Variants in NBAS observed in about 807,000 individuals in gnomAD.
NBAS encodes the protein NAG/BC035112 fusion.
NBAS carries 219 observed loss-of-function variants against 302.5 expected under a neutral mutation model. The observed-to-expected ratio is 0.72, with a 90% CI of 0.65 to 0.81. The LOEUF is 0.81. Ranked by LOEUF, NBAS falls within the 30% of genes least tolerant of loss-of-function variation. NBAS has a pLI of 0.00. For synonymous variants in NBAS, 1,118 were observed against 1,021.6 expected (o/e 1.09, Z -1.80); for missense variants, 2,932 against 2,841.6 (o/e 1.03, Z -0.72).
chr2:15,252,832 C>T (rs1444690636), intron 44 of NBAS, among the ~76,000 whole-genome samples: 1 of 152,022 alleles, frequency 6.6e-6, no homozygotes, highest in African/African-American at 2.4e-5. Context: ...TAAATTAAGA[C>T]AGAATCACTA....
chr2:14,996,154 A>G, the NBAS span, among the ~76,000 whole-genome samples: 222 of 152,290 alleles, frequency 1.5e-3, no homozygotes, highest in African/African-American at 5.1e-3. Context: ...CTGAATCCAG[A>G]GAAGACAGAA....
At chr2:14,784,559 A>C in the NBAS span, among the ~76,000 whole-genome samples, 8 of 152,282 alleles carry the variant, frequency 5.3e-5, no homozygotes, top group East Asian at 1.5e-3. Flanking sequence ...TCCCAGCACC[A>C]TTTATTAAAT....
the NBAS span, among the ~76,000 whole-genome samples, chr2:14,803,332 C>T: frequency 6.6e-6 from 1 of 152,144 alleles, no homozygotes; most frequent in East Asian, 1.9e-4. Flanking sequence ...TACTACTTAG[C>T]TGAATATTTT....
At position 15,474,207 on chromosome 2, in the gene NBAS, C is replaced by T. The variant is rs1680085976; in HGVS notation, c.1459G>A (p.Gly487Ser). The T allele has an allele frequency of 1.2e-6, 2 of 1,614,016 alleles. No homozygotes were observed. The highest frequency in any genetic ancestry group is 8.5e-7 in the Non-Finnish European group (1 of 1,180,006). Residue 487 changes from glycine to serine, a missense_variant, in exon 15 of 52, where the codon GGT becomes AGT. Transcript: ENST00000281513. ...AAGTAAAGGCCCTGTTTTATATAACCAAAGTAGCGAGCCTTGGCAGATATT... is the reference window on the plus strand; with the variant it reads ...AAGTAAAGGCCCTGTTTTATATAACTAAAGTAGCGAGCCTTGGCAGATATT... ...YEISAKARYF[G>S]YIKQGLYLVT...
intron 49 of NBAS, among the ~76,000 whole-genome samples, chr2:15,189,763 G>T (rs187874673): frequency 6.6e-6 from 1 of 152,258 alleles, no homozygotes; most frequent in Admixed American, 6.5e-5. Context: ...CTTATTAGCC[G>T]TGTGAAGCCT....
At chr2:15,424,928 G>C (rs1677394958) in intron 22 of NBAS, among the ~76,000 whole-genome samples, 1 of 152,072 alleles carries the variant, frequency 6.6e-6, no homozygotes, top group South Asian at 2.1e-4. Context: ...ATAAAAATAA[G>C]AGGAAATACA....
chr2:14,950,692 G>T, the NBAS span, among the ~76,000 whole-genome samples: 4 of 152,168 alleles, frequency 2.6e-5, no homozygotes, highest in African/African-American at 9.7e-5. Flanking sequence ...GGTGCTATTT[G>T]CAAAACAGCC....
the NBAS span, among the ~76,000 whole-genome samples, chr2:15,158,686 G>A: frequency 6.6e-6 from 1 of 152,186 alleles, no homozygotes; most frequent in South Asian, 2.1e-4. Context: ...AGCAGTGAAG[G>A]TGGGGCTCGA....
the NBAS span, among the ~76,000 whole-genome samples, chr2:15,019,578 A>G: frequency 6.6e-6 from 1 of 152,192 alleles, no homozygotes; most frequent in African/African-American, 2.4e-5. Context: ...CAGGCAAATA[A>G]TCAATATATC....
chr2:15,335,582 T>C (rs938720110), intron 35 of NBAS, among the ~76,000 whole-genome samples: 1 of 152,230 alleles, frequency 6.6e-6, no homozygotes, highest in Non-Finnish European at 1.5e-5. Flanking sequence ...CCAGGACTAA[T>C]GAAGTTGGAC....
the NBAS span, among the ~76,000 whole-genome samples, chr2:15,111,553 A>C: frequency 6.6e-6 from 1 of 152,094 alleles, no homozygotes; most frequent in East Asian, 1.9e-4. Flanking sequence ...ACACACTCTA[A>C]TAGCAAGTGA....
chr2:14,893,820 T>C, the NBAS span, among the ~76,000 whole-genome samples: 4 of 152,216 alleles, frequency 2.6e-5, no homozygotes, highest in Non-Finnish European at 5.9e-5. Flanking sequence ...TGTATTCCTC[T>C]AGCATGATTT....
At chr2:15,467,273 C>T in intron 19 of NBAS, 56 bp downstream of exon 19, 2 of 1,222,698 alleles carry the variant, frequency 1.6e-6, no homozygotes, top group Non-Finnish European at 2.4e-6. Flanking sequence ...GCAGCCATAG[C>T]ATTTATAATG....
At chr2:15,269,418 C>T (rs1669219230) in intron 44 of NBAS, among the ~76,000 whole-genome samples, 1 of 152,124 alleles carries the variant, frequency 6.6e-6, no homozygotes, top group Admixed American at 6.5e-5. Context: ...CTGCTTTTTG[C>T]ATGCCGGGCT....
chr2:15,060,265 G>A, the NBAS span, among the ~76,000 whole-genome samples: 1 of 152,160 alleles, frequency 6.6e-6, no homozygotes, highest in Admixed American at 6.5e-5. Context: ...CATGTCCGGG[G>A]AGCACATTCC....
At chr2:15,219,008 C>T (rs758116751) in intron 47 of NBAS, 40 bp from the exon 48 acceptor site, 6 of 1,609,206 alleles carry the variant, frequency 3.7e-6, no homozygotes, top group Non-Finnish European at 4.2e-6. Flanking sequence ...AACTCCTAAG[C>T]CTTTTATTTT....
the NBAS span, among the ~76,000 whole-genome samples, chr2:15,109,583 AG>A: frequency 2.3e-3 from 357 of 152,258 alleles, 1 homozygote; most frequent in Non-Finnish European, 3.9e-3. Context: ...CAGTTCTGGA[AG>A]CTGGAAGGCT....
intron 40 of NBAS, among the ~76,000 whole-genome samples, chr2:15,301,122 G>T (rs1670775643): frequency 1.3e-5 from 2 of 152,228 alleles, no homozygotes; most frequent in South Asian, 4.2e-4. Context: ...CGTTAAGTTT[G>T]CATGCCACCA....
At chr2:15,093,030 T>C in the NBAS span, among the ~76,000 whole-genome samples, 1 of 152,208 alleles carries the variant, frequency 6.6e-6, no homozygotes, top group African/African-American at 2.4e-5. Context: ...TCCCTGGCAC[T>C]AGCGGTTGTT....
Sources: gnomAD v4.1 joint callset for allele counts (sites outside exome capture counted in the v4.1 genomes callset) on GRCh38, gnomAD v4.1.1 for gene constraint, MANE v1.5 for transcripts, NCBI Gene and HGNC (gene_info 2026-07-23, HGNC 2026-07-21) for gene names.